The following VRK2 variants were observed in gnomAD, a reference collection of about 807,000 sequenced individuals.
VRK2 encodes VRK serine/threonine kinase 2.
VRK2 carries 60 observed loss-of-function variants against 57.6 expected under a neutral mutation model. The observed-to-expected ratio is 1.04, with a 90% CI of 0.85 to 1.29. The LOEUF (loss-of-function observed/expected upper bound fraction) is 1.29, where lower values mean the gene tolerates loss of function less well. Ranked by LOEUF, VRK2 falls within the 50% of genes most tolerant of loss-of-function variation. The pLI, the probability that VRK2 is intolerant of heterozygous loss-of-function variation, is 0.00. For synonymous variants in VRK2, 231 were observed against 199.2 expected (o/e 1.16, Z -1.35); for missense variants, 705 against 588.1 (o/e 1.20, Z -2.06).
In VRK2 at chr2:58,000,830, G is replaced by C. The variant is rs117731748; in HGVS notation, c.-438-24835G>C. On this transcript the variant is annotated intron_variant, in intron 1 of 15. Coordinates refer to the VRK2 transcript ENST00000417641. The stretch of plus-strand genomic sequence containing the variant: ...ATGATTTGACACCTGCTGTACAACA[G>C]AATTCATTAGATAGTAATAATACAA... Among the ~76,000 whole-genome samples, 339 of 152,280 alleles carry C rather than the reference G, an allele frequency of 2.2e-3. 6 individuals carry two copies. The East Asian group carries it at 0.055, about 25-fold the overall frequency.
At chr2:57,963,168 A>G (rs2104002470) in intron 1 of VRK2, among the ~76,000 whole-genome samples, 1 of 152,328 alleles carries the variant, frequency 6.6e-6, no homozygotes, top group East Asian at 1.9e-4. Context: ...AAAGCTAGAT[A>G]CCAGTCCTCT....
chr2:57,987,004 C>CA (rs1436902196), intron 1 of VRK2, among the ~76,000 whole-genome samples: 1 of 151,650 alleles, frequency 6.6e-6, no homozygotes, highest in Admixed American at 6.6e-5. Context: ...TATACACATG[C>CA]AAAAAAATAT....
At chr2:58,120,516 A>G (rs1173820260) in intron 7 of VRK2, among the ~76,000 whole-genome samples, 4 of 152,022 alleles carry the variant, frequency 2.6e-5, no homozygotes, top group African/African-American at 9.7e-5. Flanking sequence ...TATTAAATGT[A>G]AACCCTATAC....
At chr2:58,118,803 C>T (rs1041168400) in intron 7 of VRK2, among the ~76,000 whole-genome samples, 7 of 151,850 alleles carry the variant, frequency 4.6e-5, no homozygotes, top group Non-Finnish European at 7.4e-5. Flanking sequence ...AGAGAGTCAG[C>T]GAAGGGAGAT....
intron 9 of VRK2, among the ~76,000 whole-genome samples, chr2:58,132,450 A>G (rs1258474640): frequency 1.3e-5 from 2 of 152,210 alleles, no homozygotes; most frequent in African/African-American, 4.8e-5. Context: ...AGCCACATAA[A>G]CATTTTTAAT....
intron 1 of VRK2, among the ~76,000 whole-genome samples, chr2:58,023,309 T>A (rs771137766): frequency 6.6e-6 from 1 of 152,236 alleles, no homozygotes; most frequent in Non-Finnish European, 1.5e-5. Flanking sequence ...TATCAGAATT[T>A]TCTTCCAAGA....
At chr2:58,034,940 C>T (rs989140578) in intron 3 of VRK2, among the ~76,000 whole-genome samples, 15 of 151,962 alleles carry the variant, frequency 9.9e-5, no homozygotes, top group Admixed American at 3.9e-4. Flanking sequence ...ATAGTCCAAA[C>T]GTTTTAGTCA....
Position 57,913,931 on chromosome 2 carries a change from A to G in VRK2, c.-439+6092A>G, listed in dbSNP as rs565032972. ...TAAGTCATGTTAAAATGTAACCACA[A>G]TAAGTTATTAGCTTGCCTATATAAA... On this transcript the variant is annotated intron_variant, in intron 1 of 15. Transcript: ENST00000417641. Among the ~76,000 whole-genome samples the G allele has an allele frequency of 6.6e-5, 10 of 152,236 alleles. No individual in the cohort carries two copies. The South Asian group carries it at 2.1e-3, about 32-fold the overall frequency.
chr2:58,127,293 G>A (rs1214890639), intron 8 of VRK2, among the ~76,000 whole-genome samples: 1 of 151,968 alleles, frequency 6.6e-6, no homozygotes, highest in East Asian at 1.9e-4. Flanking sequence ...ACCAAACTTG[G>A]GGAAATGACA....
At chr2:57,909,373 G>C (rs1049378165) in intron 1 of VRK2, among the ~76,000 whole-genome samples, 1 of 152,130 alleles carries the variant, frequency 6.6e-6, no homozygotes, top group African/African-American at 2.4e-5. Context: ...CATCACTATG[G>C]AGATTAAGTA....
chr2:58,118,782 T>A (rs1371413596), intron 7 of VRK2, among the ~76,000 whole-genome samples: 1 of 152,130 alleles, frequency 6.6e-6, no homozygotes, highest in Non-Finnish European at 1.5e-5. Context: ...TGCAGGCGGT[T>A]GAGTCCGAAA....
At chr2:57,937,235 C>T (rs925955728) in intron 1 of VRK2, among the ~76,000 whole-genome samples, 2 of 152,102 alleles carry the variant, frequency 1.3e-5, no homozygotes, top group Admixed American at 1.3e-4. Flanking sequence ...CTTTGGGGAC[C>T]TAGGATACCC....
chr2:58,001,463 T>A (rs1402187025), intron 1 of VRK2, among the ~76,000 whole-genome samples: 1 of 152,208 alleles, frequency 6.6e-6, no homozygotes, highest in Non-Finnish European at 1.5e-5. Flanking sequence ...CTAATGTACT[T>A]TGTTTCATGT....
At chr2:58,034,768 G>T (rs1302922200) in intron 3 of VRK2, among the ~76,000 whole-genome samples, 4 of 149,482 alleles carry the variant, frequency 2.7e-5, no homozygotes, top group Non-Finnish European at 5.9e-5. Context: ...GGTTCCAGAG[G>T]TTTTTTTTAA....
intron 11 of VRK2, 117 bp downstream of exon 11, chr2:58,139,949 T>C: frequency 8.8e-7 from 1 of 1,134,332 alleles, no homozygotes; most frequent in South Asian, 1.9e-5. Context: ...TATATTTAAC[T>C]CCCATTTTGC....
chr2:57,911,976 T>C (rs1669999352), intron 1 of VRK2, among the ~76,000 whole-genome samples: 1 of 152,196 alleles, frequency 6.6e-6, no homozygotes. Flanking sequence ...AATAGGCCTT[T>C]AGTAAATATT....
chr2:57,913,495 A>G (rs1572852306), intron 1 of VRK2, among the ~76,000 whole-genome samples: 1 of 152,260 alleles, frequency 6.6e-6, no homozygotes, highest in South Asian at 2.1e-4. Context: ...GGAGAAATTT[A>G]TCTGCCAACT....
At chr2:57,998,914 T>G (rs1188786758) in intron 1 of VRK2, among the ~76,000 whole-genome samples, 1 of 152,246 alleles carries the variant, frequency 6.6e-6, no homozygotes, top group Non-Finnish European at 1.5e-5. Context: ...GAAGTCAGTA[T>G]GGATAGTTAT....
chr2:57,962,342 C>G (rs1452283230), intron 1 of VRK2, among the ~76,000 whole-genome samples: 2 of 152,134 alleles, frequency 1.3e-5, no homozygotes, highest in Non-Finnish European at 2.9e-5. Context: ...GTCCAGCAGA[C>G]CCCTTTTTAC....
Sources: allele counts gnomAD v4.1 joint callset (sites outside exome capture counted in the v4.1 genomes callset), GRCh38; gene constraint gnomAD v4.1.1; transcripts MANE v1.5; gene names NCBI Gene and HGNC (gene_info 2026-07-23, HGNC 2026-07-21).